The following FHIT variants were observed in gnomAD, a reference collection of about 807,000 sequenced individuals.
FHIT encodes the protein fragile histidine triad diadenosine triphosphatase, also known as bis(5'-adenosyl)-triphosphatase.
FHIT carries 19 observed loss-of-function variants against 17.9 expected under a neutral mutation model. The ratio of observed to expected loss-of-function variants is 1.06; its 90% CI spans 0.74 to 1.56. The LOEUF is 1.56. Ranked by LOEUF, FHIT falls within the 40% of genes most tolerant of loss-of-function variation. The pLI, the probability that FHIT is intolerant of heterozygous loss-of-function variation, is 0.00. For synonymous variants in FHIT, 81 were observed against 69.7 expected, an observed-to-expected ratio of 1.16 and a Z score of -0.81; for missense variants, 248 against 189.2, an observed-to-expected ratio of 1.31 and a Z score of -1.82.
At chr3:59,928,474 G>T (rs1305466166) in intron 7 of FHIT, among the ~76,000 whole-genome samples, 1 of 152,024 alleles carries the variant, frequency 6.6e-6, no homozygotes, top group East Asian at 1.9e-4. Context: ...CTGGCAGAAA[G>T]GATTTGCAAA....
intron 5 of FHIT, among the ~76,000 whole-genome samples, chr3:60,272,880 T>C (rs1435063451): frequency 6.6e-6 from 1 of 152,202 alleles, no homozygotes; most frequent in Non-Finnish European, 1.5e-5. Context: ...CAAAAGCAAG[T>C]GACTGGCAAT....
intron 7 of FHIT, among the ~76,000 whole-genome samples, chr3:59,952,092 C>A (rs78880817): frequency 0.087 from 13,301 of 152,234 alleles, 814 homozygotes; most frequent in South Asian, 0.15. Context: ...ACAGCTTTGA[C>A]TGAAAGTTCT....
chr3:60,724,652 T>G (rs1478867850), intron 4 of FHIT, among the ~76,000 whole-genome samples: 1 of 139,974 alleles, frequency 7.1e-6, no homozygotes, highest in Non-Finnish European at 1.5e-5. Context: ...TGTCTGTTTT[T>G]TTTTTTTGTT....
At chr3:60,114,789 A>C (rs1284282649) in intron 5 of FHIT, among the ~76,000 whole-genome samples, 1 of 152,064 alleles carries the variant, frequency 6.6e-6, no homozygotes, top group Admixed American at 6.5e-5. Flanking sequence ...ACTTATTCAA[A>C]AAGAAAAATC....
chr3:60,733,837 T>C (rs782392163), intron 4 of FHIT, among the ~76,000 whole-genome samples: 17 of 152,310 alleles, frequency 1.1e-4, no homozygotes, highest in Non-Finnish European at 2.2e-4. Context: ...AGACAGTACA[T>C]GTATACTGTG....
In FHIT at chr3:60,151,226, AT is replaced by A. The variant is rs544722600; in HGVS notation, c.104-137075del. ...GTATGAACCTATCTTACCCAAAAAA[AT>A]AGGTTCTAAAGTCAGTACATAAATT... is the stretch of plus-strand genomic sequence containing the variant. On this transcript the variant is annotated intron_variant, in intron 5 of 9. Coordinates refer to ENST00000492590, the MANE Select transcript of FHIT (RefSeq NM_002012.4). 4.9e-3 allele frequency among the ~76,000 whole-genome samples: 747 copies of A among 152,312 alleles called. 2 individuals are homozygous for A. The highest frequency in any genetic ancestry group is 0.016 in the African/African-American group (668 of 41,554).
intron 4 of FHIT, among the ~76,000 whole-genome samples, chr3:60,705,601 G>A (rs1432518116): frequency 2.0e-5 from 3 of 152,174 alleles, no homozygotes; most frequent in Admixed American, 6.5e-5. Context: ...GCCATTACCA[G>A]ATCCCTTTGA....
At chr3:60,623,483 T>C (rs2039192009) in intron 4 of FHIT, among the ~76,000 whole-genome samples, 1 of 152,202 alleles carries the variant, frequency 6.6e-6, no homozygotes, top group African/African-American at 2.4e-5. Flanking sequence ...CTGTAAAACA[T>C]GTTCATTTTT....
intron 8 of FHIT, among the ~76,000 whole-genome samples, chr3:59,836,633 G>A (rs1701349740): frequency 6.6e-6 from 1 of 152,120 alleles, no homozygotes; most frequent in Non-Finnish European, 1.5e-5. Flanking sequence ...AAATCAGTAT[G>A]GGCTGAACAG....
intron 5 of FHIT, among the ~76,000 whole-genome samples, chr3:60,078,147 T>C (rs966629461): frequency 6.6e-6 from 1 of 152,026 alleles, no homozygotes; most frequent in African/African-American, 2.4e-5. Flanking sequence ...AAAGAATGGG[T>C]AAAAGTATAA....
chr3:61,085,126 A>C (rs934830396), intron 2 of FHIT, among the ~76,000 whole-genome samples: 2 of 152,198 alleles, frequency 1.3e-5, no homozygotes, highest in Admixed American at 6.5e-5. Flanking sequence ...ATGTAGACAT[A>C]CATTTCATTT....
chr3:60,750,467 G>A (rs1202816124), intron 4 of FHIT, among the ~76,000 whole-genome samples: 1 of 152,070 alleles, frequency 6.6e-6, no homozygotes, highest in African/African-American at 2.4e-5. Flanking sequence ...TGAATTATGG[G>A]AGCAAGTCTT....
chr3:60,487,914 C>G (rs1175215816), intron 5 of FHIT, among the ~76,000 whole-genome samples: 1 of 152,084 alleles, frequency 6.6e-6, no homozygotes, highest in Non-Finnish European at 1.5e-5. Flanking sequence ...ATTTCTCCAG[C>G]CAAAGCAAAT....
intron 5 of FHIT, among the ~76,000 whole-genome samples, chr3:60,042,090 C>T (rs565823160): frequency 6.6e-6 from 1 of 152,132 alleles, no homozygotes; most frequent in Non-Finnish European, 1.5e-5. Flanking sequence ...TTAGATGTTA[C>T]CAAAGGTGTA....
At chr3:60,078,664 CTA>C (rs1256894803) in intron 5 of FHIT, among the ~76,000 whole-genome samples, 3 of 152,064 alleles carry the variant, frequency 2.0e-5, no homozygotes, top group Non-Finnish European at 2.9e-5. Context: ...AGTAATTACA[CTA>C]TGTTTTTCTA....
chr3:61,099,365 A>T (rs1433623503), intron 2 of FHIT, among the ~76,000 whole-genome samples: 4 of 151,130 alleles, frequency 2.6e-5, no homozygotes, highest in Non-Finnish European at 5.9e-5. Context: ...CATCAAGGAT[A>T]TTGGCCTGCA....
intron 3 of FHIT, among the ~76,000 whole-genome samples, chr3:60,857,887 C>A: frequency 6.6e-6 from 1 of 152,118 alleles, no homozygotes; most frequent in East Asian, 1.9e-4. Context: ...ATAATCATGC[C>A]TCTACACTCC....
chr3:59,839,877 C>T (rs1041866608), intron 8 of FHIT, among the ~76,000 whole-genome samples: 3 of 152,182 alleles, frequency 2.0e-5, no homozygotes, highest in Non-Finnish European at 4.4e-5. Context: ...ATTTGTCAGG[C>T]CTGGTATTAA....
Position 60,683,015 on chromosome 3 carries a change from C to A in FHIT, c.-18+138904G>T, listed in dbSNP as rs576800898. ...GGAGCTGAAGATGTGGAAGAAATAGCGACAACTAGAATCAGAAGTAAAGCT... is the reference window on the plus strand; with the variant it reads ...GGAGCTGAAGATGTGGAAGAAATAGAGACAACTAGAATCAGAAGTAAAGCT... On this transcript the variant is annotated intron_variant, in intron 4 of 9. Coordinates refer to ENST00000492590, the MANE Select transcript of FHIT (RefSeq NM_002012.4). Among the ~76,000 whole-genome samples the A allele has an allele frequency of 4.6e-5, 7 of 152,146 alleles. 1 individual carries two copies. In the East Asian group the frequency reaches 9.7e-4, roughly 21 times the overall value.
Sources: gnomAD v4.1 joint callset for allele counts (sites outside exome capture counted in the v4.1 genomes callset) on GRCh38, gnomAD v4.1.1 for gene constraint, MANE v1.5 for transcripts, NCBI Gene and HGNC (gene_info 2026-07-23, HGNC 2026-07-21) for gene names.